RAPGEF4: variants seen among roughly 807,000 people sequenced by gnomAD.
RAPGEF4 encodes Rap guanine nucleotide exchange factor 4, also known as RAP guanine-nucleotide-exchange factor (GEF) 4.
In RAPGEF4, 66 loss-of-function variants were observed where a neutral mutation model predicts 147.9. The observed-to-expected ratio is 0.45, with a 90% CI of 0.37 to 0.55. The LOEUF (loss-of-function observed/expected upper bound fraction) is 0.55. Ranked by LOEUF, RAPGEF4 falls within the 20% of genes least tolerant of loss-of-function variation. RAPGEF4 has a pLI of 0.00. For missense variants in RAPGEF4, 1,071 were observed against 1,257.3 expected, an observed-to-expected ratio of 0.85 and a Z score of 2.24; for synonymous variants, 419 against 442.7, an observed-to-expected ratio of 0.95 and a Z score of 0.67.
intron 3 of RAPGEF4, among the ~76,000 whole-genome samples, chr2:172,810,669 A>C (rs1574913459): frequency 6.6e-6 from 1 of 152,344 alleles, no homozygotes; most frequent in African/African-American, 2.4e-5. Context: ...GATCTCAGGT[A>C]ACCCAGTATG....
In RAPGEF4 at chr2:172,922,266, T is replaced by C; in HGVS notation, c.518-15T>C. ...ACAATTCATGGCCTCTCTCTGTCTC[T>C]TTTTCCTCCTTTAGGGATTCCTGAC... is the stretch of plus-strand genomic sequence containing the variant. On this transcript the variant is annotated splice_polypyrimidine_tract_variant and intron_variant, in intron 5 of 30. Transcript: ENST00000397081. The C allele has an allele frequency of 6.2e-7, 1 of 1,606,312 alleles. No individual in the cohort carries two copies.
intron 4 of RAPGEF4, among the ~76,000 whole-genome samples, chr2:172,845,101 A>G (rs1013303710): frequency 2.0e-5 from 3 of 152,216 alleles, no homozygotes; most frequent in Non-Finnish European, 2.9e-5. Context: ...GAAGTACTCC[A>G]GGAAGTGTCA....
chr2:172,814,536 TA>T, intron 4 of RAPGEF4, 111 bp downstream of exon 4: 1 of 1,306,538 alleles, frequency 7.7e-7, no homozygotes, highest in Non-Finnish European at 1.1e-6. Flanking sequence ...TCTGAGCTGG[TA>T]GATGGAATTT....
chr2:172,823,222 T>C (rs184875322), intron 4 of RAPGEF4, among the ~76,000 whole-genome samples: 1 of 152,284 alleles, frequency 6.6e-6, no homozygotes, highest in East Asian at 1.9e-4. Context: ...GTTAACCAAA[T>C]GATAGCATTT....
At chr2:172,774,055 A>G (rs1368101400) in intron 1 of RAPGEF4, among the ~76,000 whole-genome samples, 1 of 152,234 alleles carries the variant, frequency 6.6e-6, no homozygotes, top group Non-Finnish European at 1.5e-5. Context: ...GACCATCTCC[A>G]GAAAAAAGAC....
chr2:172,808,907 T>C (rs189784655), intron 3 of RAPGEF4, among the ~76,000 whole-genome samples: 90 of 152,330 alleles, frequency 5.9e-4, no homozygotes, highest in Non-Finnish European at 1.1e-3. Context: ...GTCCTTTGCC[T>C]GATGCCCTGC....
chr2:172,970,588 T>A (rs1690365666), intron 10 of RAPGEF4, among the ~76,000 whole-genome samples: 1 of 152,176 alleles, frequency 6.6e-6, no homozygotes, highest in Non-Finnish European at 1.5e-5. Context: ...AATGAAGATG[T>A]TGCTTTGAAA....
At chr2:172,788,935 T>G (rs989118392) in intron 1 of RAPGEF4, among the ~76,000 whole-genome samples, 8 of 151,936 alleles carry the variant, frequency 5.3e-5, no homozygotes, top group Non-Finnish European at 7.4e-5. Context: ...AAATAAGAGG[T>G]GCTTCTTTCT....
intron 4 of RAPGEF4, among the ~76,000 whole-genome samples, chr2:172,913,293 C>T (rs1337861413): frequency 6.6e-6 from 1 of 152,198 alleles, no homozygotes; most frequent in East Asian, 1.9e-4. Context: ...GTACCACCAC[C>T]TCACTTTCAG....
intron 29 of RAPGEF4, among the ~76,000 whole-genome samples, chr2:173,045,112 C>T (rs1685294712): frequency 6.6e-6 from 1 of 152,190 alleles, no homozygotes; most frequent in South Asian, 2.1e-4. Context: ...CAGCTGTCTA[C>T]CGTCAAAAAT....
At chr2:172,982,436 A>T (rs138805438) in intron 10 of RAPGEF4, among the ~76,000 whole-genome samples, 66 of 152,264 alleles carry the variant, frequency 4.3e-4, no homozygotes, top group African/African-American at 1.4e-3. Flanking sequence ...ACTCCCTAGA[A>T]CTCTCAGGAT....
At position 172,770,204 on chromosome 2, in the gene RAPGEF4, C is replaced by A. The variant is rs1035415961; in HGVS notation, c.66-24821C>A. Among the ~76,000 whole-genome samples, 2 of 152,174 alleles carry A rather than the reference C, an allele frequency of 1.3e-5. 1 individual carries two copies. Among genetic ancestry groups the A allele is most frequent in the Non-Finnish European group, 2.9e-5 (2 of 68,036 alleles). On this transcript the variant is annotated intron_variant, in intron 1 of 30. Coordinates refer to ENST00000397081, the MANE Select transcript of RAPGEF4 (RefSeq NM_007023.4). ...CTACTCTGCTAAATAAATATTGAAC[C>A]AACAGTCAGAGAATGTTTGAAGTGG...
At position 172,982,954 on chromosome 2, in the gene RAPGEF4, A is replaced by G. The variant is rs147216711; in HGVS notation, c.1005-542A>G. Among the ~76,000 whole-genome samples, 107 of 152,294 alleles carry G rather than the reference A, an allele frequency of 7.0e-4. No individual in the cohort carries two copies. The East Asian group carries it at 0.015, about 21-fold the overall frequency. On this transcript the variant is annotated intron_variant, in intron 10 of 30. Coordinates refer to ENST00000397081, the MANE Select transcript of RAPGEF4 (RefSeq NM_007023.4). Reference sequence around the variant, plus strand: ...CATGCCCTTATCTCCTCAGGGCTAGAAAAGAAAATGTTGAGTCTGCATACA... The same window carrying G: ...CATGCCCTTATCTCCTCAGGGCTAGGAAAGAAAATGTTGAGTCTGCATACA...
intron 10 of RAPGEF4, among the ~76,000 whole-genome samples, chr2:172,971,039 C>T (rs574384418): frequency 3.8e-4 from 58 of 152,268 alleles, no homozygotes; most frequent in African/African-American, 1.4e-3. Context: ...GTTTATAAAT[C>T]TAAAAACAAG....
intron 18 of RAPGEF4, among the ~76,000 whole-genome samples, chr2:173,015,263 G>C (rs184467404): frequency 1.3e-4 from 20 of 152,272 alleles, no homozygotes; most frequent in African/African-American, 4.8e-4. Context: ...ACTGTTGAAA[G>C]CTGCACTTCC....
chr2:172,952,105 G>A (rs1688260622), intron 6 of RAPGEF4, among the ~76,000 whole-genome samples: 1 of 152,124 alleles, frequency 6.6e-6, no homozygotes, highest in Admixed American at 6.5e-5. Context: ...CAAACTACTG[G>A]GCTCAAGTGA....
chr2:173,037,168 A>G (rs1684134895), intron 29 of RAPGEF4, among the ~76,000 whole-genome samples: 1 of 152,230 alleles, frequency 6.6e-6, no homozygotes, highest in African/African-American at 2.4e-5. Context: ...CAGAGAAGGA[A>G]CATGAAAACC....
At chr2:172,806,833 C>T (rs1687542392) in intron 3 of RAPGEF4, among the ~76,000 whole-genome samples, 1 of 152,134 alleles carries the variant, frequency 6.6e-6, no homozygotes, top group Non-Finnish European at 1.5e-5. Context: ...AAATAATATG[C>T]TTTTATTTGC....
intron 6 of RAPGEF4, among the ~76,000 whole-genome samples, chr2:172,930,195 A>C (rs1451487294): frequency 6.6e-6 from 1 of 152,110 alleles, no homozygotes; most frequent in Non-Finnish European, 1.5e-5. Flanking sequence ...GGAAAAGAGT[A>C]CCCGAATTTT....
Sources: gnomAD v4.1 joint callset for allele counts (sites outside exome capture counted in the v4.1 genomes callset) on GRCh38, gnomAD v4.1.1 for gene constraint, MANE v1.5 for transcripts, NCBI Gene and HGNC (gene_info 2026-07-23, HGNC 2026-07-21) for gene names.